Variants in ARMC9 observed in about 807,000 individuals in gnomAD.
ARMC9 encodes lisH domain-containing protein ARMC9.
ARMC9 carries 94 observed loss-of-function variants against 107.0 expected under a neutral mutation model. The observed-to-expected ratio is 0.88, with a 90% CI of 0.74 to 1.04. ARMC9 has a LOEUF of 1.04. Among genes scored for constraint, ARMC9 ranks in the 50% least tolerant of loss-of-function variants. The pLI, the probability that ARMC9 is intolerant of heterozygous loss-of-function variation, is 0.00. For missense variants in ARMC9, 942 were observed against 1,030.1 expected (o/e 0.91, Z 1.17); for synonymous variants, 380 against 396.9 (o/e 0.96, Z 0.51).
At chr2:231,338,607 A>G (rs151332431) in intron 20 of ARMC9, among the ~76,000 whole-genome samples, 1 of 148,490 alleles carries the variant, frequency 6.7e-6, no homozygotes, top group East Asian at 2.0e-4. Flanking sequence ...TAGAGCAAAC[A>G]TGGCTCACTG....
chr2:231,326,977 TC>T (rs950148852), intron 19 of ARMC9, among the ~76,000 whole-genome samples: 2 of 152,040 alleles, frequency 1.3e-5, no homozygotes, highest in Non-Finnish European at 2.9e-5. Flanking sequence ...TGGCCTGCCC[TC>T]CCCCTGCACC....
intron 8 of ARMC9, among the ~76,000 whole-genome samples, chr2:231,238,576 C>T (rs2035988525): frequency 6.6e-6 from 1 of 152,216 alleles, no homozygotes; most frequent in African/African-American, 2.4e-5. Flanking sequence ...AAGTCTCAAA[C>T]TCCTGAGCTC....
At chr2:231,301,001 A>G (rs1464731419) in intron 19 of ARMC9, among the ~76,000 whole-genome samples, 2 of 152,170 alleles carry the variant, frequency 1.3e-5, no homozygotes, top group Admixed American at 1.3e-4. Context: ...CAACCCCCCC[A>G]AGAAACCCAT....
intron 19 of ARMC9, among the ~76,000 whole-genome samples, chr2:231,318,956 A>G (rs1008034303): frequency 5.3e-5 from 8 of 152,098 alleles, no homozygotes; most frequent in African/African-American, 1.9e-4. Flanking sequence ...TGCTTTGAAG[A>G]GCAGTGGGGC....
chr2:231,291,611 T>C (rs1328312776), intron 18 of ARMC9, among the ~76,000 whole-genome samples, 168 bp downstream of exon 18: 8 of 151,302 alleles, frequency 5.3e-5, no homozygotes, highest in Non-Finnish European at 1.0e-4. Context: ...AGGTCAGGAG[T>C]TCGAGACCAG....
chr2:231,331,204 G>A (rs1260693173), intron 19 of ARMC9, among the ~76,000 whole-genome samples: 1 of 152,116 alleles, frequency 6.6e-6, no homozygotes, highest in African/African-American at 2.4e-5. Flanking sequence ...AGGCCCCTAG[G>A]CAGTCTGCTT....
intron 11 of ARMC9, among the ~76,000 whole-genome samples, chr2:231,261,479 TA>T (rs1278132258): frequency 1.3e-5 from 2 of 152,190 alleles, no homozygotes; most frequent in Non-Finnish European, 2.9e-5. Flanking sequence ...CCCAATAGGA[TA>T]GGATAGAGTG....
At chr2:231,243,759 G>C (rs1216079816) in intron 9 of ARMC9, among the ~76,000 whole-genome samples, 1 of 152,208 alleles carries the variant, frequency 6.6e-6, no homozygotes, top group Non-Finnish European at 1.5e-5. Context: ...GTATAAGAGA[G>C]TATTGTTGTT....
At chr2:231,199,834 T>TA (rs1176671855) in intron 1 of ARMC9, among the ~76,000 whole-genome samples, 1 of 152,098 alleles carries the variant, frequency 6.6e-6, no homozygotes, top group Non-Finnish European at 1.5e-5. Flanking sequence ...TAGCTGGGAT[T>TA]ACAGGTGCAG....
At chr2:231,238,611 C>T (rs2035992146) in intron 8 of ARMC9, among the ~76,000 whole-genome samples, 1 of 152,180 alleles carries the variant, frequency 6.6e-6, no homozygotes, top group Non-Finnish European at 1.5e-5. Context: ...CCTCAGTCTC[C>T]CAAAGTGCTG....
At chr2:231,347,508 GT>G (rs11334230) in intron 21 of ARMC9, among the ~76,000 whole-genome samples, 30,264 of 152,054 alleles carry the variant, frequency 0.2, 7,577 homozygotes, top group African/African-American at 0.59. Context: ...TTGTAGTTCT[GT>G]CCTTTGCATC....
chr2:231,311,522 C>G (rs2042345908), intron 19 of ARMC9, among the ~76,000 whole-genome samples: 1 of 152,100 alleles, frequency 6.6e-6, no homozygotes, highest in African/African-American at 2.4e-5. Context: ...ATAATCCCAG[C>G]ACTTTGGGAG....
chr2:231,315,042 C>T (rs756912220), intron 19 of ARMC9, among the ~76,000 whole-genome samples: 123 of 151,960 alleles, frequency 8.1e-4, no homozygotes, highest in South Asian at 1.0e-3. Flanking sequence ...AGTTCAAGAC[C>T]AGCCTGACCA....
chr2:231,228,617 C>A (rs530838392), intron 7 of ARMC9, among the ~76,000 whole-genome samples: 1 of 152,306 alleles, frequency 6.6e-6, no homozygotes, highest in African/African-American at 2.4e-5. Context: ...CTGTTTCTTG[C>A]AAGTGAATTC....
intron 9 of ARMC9, among the ~76,000 whole-genome samples, chr2:231,254,133 T>G (rs1559356510): frequency 6.6e-6 from 1 of 152,128 alleles, no homozygotes; most frequent in Non-Finnish European, 1.5e-5. Flanking sequence ...GTAGCATGAA[T>G]TCCAGAAGGA....
chr2:231,356,294 C>T (rs1575173784), intron 22 of ARMC9, among the ~76,000 whole-genome samples: 3 of 152,258 alleles, frequency 2.0e-5, no homozygotes, highest in East Asian at 1.9e-4. Context: ...GAAGGCCAGC[C>T]GCCTGCTGGA....
chr2:231,278,213 G>A (rs1384377986), intron 15 of ARMC9, among the ~76,000 whole-genome samples, 169 bp from the exon 16 acceptor site: 2 of 152,098 alleles, frequency 1.3e-5, no homozygotes, highest in Non-Finnish European at 2.9e-5. Context: ...TAAAGAAGAG[G>A]AAACTGAGGC....
intron 13 of ARMC9, among the ~76,000 whole-genome samples, chr2:231,271,400 A>C (rs2039319187): frequency 6.6e-6 from 1 of 152,212 alleles, no homozygotes; most frequent in Non-Finnish European, 1.5e-5. Flanking sequence ...TTTTCTACTT[A>C]AGGCAAAATA....
At chr2:231,219,905 A>G (rs2033933473) in intron 5 of ARMC9, among the ~76,000 whole-genome samples, 1 of 152,156 alleles carries the variant, frequency 6.6e-6, no homozygotes, top group Admixed American at 6.5e-5. Context: ...ATTATAGCTC[A>G]CTACAGCCTT....
Sources: gnomAD v4.1 joint callset for allele counts (sites outside exome capture counted in the v4.1 genomes callset) on GRCh38, gnomAD v4.1.1 for gene constraint, MANE v1.5 for transcripts, NCBI Gene and HGNC (gene_info 2026-07-23, HGNC 2026-07-21) for gene names.